Variants in RAB14 observed in about 807,000 individuals in gnomAD.
RAB14 encodes RAB14, member RAS oncogene family, also known as ras-related protein Rab-14.
Under a neutral mutation model 31.1 loss-of-function variants are expected in RAB14, and 3 were observed. That is an observed-to-expected ratio of 0.10 (90% CI 0.04 to 0.25). RAB14 has a LOEUF of 0.25. RAB14 is among the 10% of genes least tolerant of loss of function. RAB14 has a pLI of 1.00. For missense variants in RAB14, 111 were observed against 260.1 expected, an observed-to-expected ratio of 0.43 and a Z score of 3.94; for synonymous variants, 85 against 84.9, an observed-to-expected ratio of 1.00 and a Z score of 0.00.
chr9:121,199,484 C>CA (rs1458198331), intron 1 of RAB14, among the ~76,000 whole-genome samples: 11 of 152,264 alleles, frequency 7.2e-5, no homozygotes, highest in African/African-American at 2.6e-4. Flanking sequence ...CTCAATAGCC[C>CA]AAGTTTTCAC....
intron 5 of RAB14, among the ~76,000 whole-genome samples, chr9:121,185,421 G>C (rs1480051753): frequency 4.6e-5 from 7 of 152,208 alleles, no homozygotes; most frequent in Admixed American, 4.6e-4. Flanking sequence ...TCAGGCACAT[G>C]TGCGTTCGTG....
intron 1 of RAB14, among the ~76,000 whole-genome samples, chr9:121,197,533 C>T (rs972869411): frequency 6.6e-6 from 1 of 152,118 alleles, no homozygotes; most frequent in East Asian, 1.9e-4. Context: ...AAATATTAAA[C>T]ACTAATTATT....
intron 1 of RAB14, 131 bp from the exon 2 acceptor site, chr9:121,193,550 T>A (rs1039804296): frequency 1.6e-6 from 1 of 613,950 alleles, no homozygotes; most frequent in Non-Finnish European, 2.9e-6. Context: ...TAAGTCAAAA[T>A]AAAACTGCAT....
chr9:121,198,469 A>G (rs139561069), intron 1 of RAB14, among the ~76,000 whole-genome samples: 1 of 152,346 alleles, frequency 6.6e-6, no homozygotes, highest in Admixed American at 6.5e-5. Flanking sequence ...TCTACTCCTT[A>G]GAACCTATGA....
intron 4 of RAB14, among the ~76,000 whole-genome samples, chr9:121,190,117 A>C (rs1020268898): frequency 1.3e-5 from 2 of 152,148 alleles, no homozygotes; most frequent in African/African-American, 2.4e-5. Context: ...GCAAGCATAA[A>C]GTTTTTTATA....
intron 5 of RAB14, among the ~76,000 whole-genome samples, chr9:121,185,679 T>A (rs2053655043): frequency 6.6e-6 from 1 of 152,166 alleles, no homozygotes; most frequent in Non-Finnish European, 1.5e-5. Flanking sequence ...TGAGATTGGC[T>A]TTTTTACTGG....
chr9:121,182,309 G>A (rs1034084731), intron 7 of RAB14, among the ~76,000 whole-genome samples: 4 of 152,078 alleles, frequency 2.6e-5, no homozygotes, highest in East Asian at 1.9e-4. Flanking sequence ...GTTTTTAATC[G>A]GGTAATGGTG....
chr9:121,183,069 T>C, intron 6 of RAB14, 109 bp from the exon 7 acceptor site: 3 of 1,032,160 alleles, frequency 2.9e-6, no homozygotes, highest in Non-Finnish European at 2.9e-6. Flanking sequence ...ACTCCTCCCA[T>C]AGTATTTTAT....
chr9:121,180,563 T>A lies in RAB14; in HGVS notation c.*833A>T, dbSNP rs564326202. On this transcript the variant is annotated 3_prime_UTR_variant, in exon 8 of 8. Transcript: ENST00000373840. ...ACCAAGGGGTGGAGCCAGTACTACT[T>A]GTGAACTGCAGTTGTGTCTATTTCT... 1 of 152,766 alleles carries A rather than the reference T, an allele frequency of 6.5e-6. No individual in the cohort carries two copies. Among genetic ancestry groups the A allele is most frequent in the South Asian group, 2.1e-4 (1 of 4,828 alleles). The allele number at this position is 152,766 out of a possible 1,614,324, so 9.5% of individuals were successfully genotyped here.
Position 121,193,312 on chromosome 9 carries a change from G to A in RAB14, c.52+49C>T, listed in dbSNP as rs769443146. 26 of 1,240,336 alleles carry A rather than the reference G, an allele frequency of 2.1e-5. No homozygotes were observed. In the South Asian group the frequency reaches 3.1e-4, roughly 15 times the overall value. The allele number at this position is 1,240,336 out of a possible 1,614,324, so 76.8% of individuals were successfully genotyped here. ...TTAAGTATTAACATATAAATATTTT[G>A]TATGTTAACCTTCTTTTGGGAACAA... On this transcript the variant is annotated intron_variant, in intron 2 of 7. Transcript: ENST00000373840.
Position 121,181,237 on chromosome 9 carries a change from A to T in RAB14, c.*159T>A. On this transcript the variant is annotated 3_prime_UTR_variant, in exon 8 of 8. Coordinates refer to ENST00000373840, the MANE Select transcript of RAB14 (RefSeq NM_016322.4). ...ATAACCTGATTACATCTAGTTGTTT[A>T]GCAGTTTAGTATTGTGTTAAACTGT... The T allele has an allele frequency of 1.5e-6, 1 of 664,128 alleles. No homozygotes were observed. The highest frequency in any genetic ancestry group is 2.3e-6 in the Non-Finnish European group (1 of 437,762). 41.1% of individuals were successfully genotyped at this position (664,128 alleles called of 1,614,324 possible). A position where few individuals can be genotyped will look rare whatever the true frequency, so the allele number is the denominator to read the frequency against.
rs1292936719 is a variant in RAB14, at chr9:121,180,822, G to C, written c.*574C>G. 6.6e-6 allele frequency: 1 copy of C among 152,616 alleles called. No homozygotes were observed. Among genetic ancestry groups the C allele is most frequent in the Non-Finnish European group, 1.5e-5 (1 of 68,046 alleles). The allele number at this position is 152,616 out of a possible 1,614,324, so 9.5% of individuals were successfully genotyped here. A position where few individuals can be genotyped will look rare whatever the true frequency, so the allele number is the denominator to read the frequency against. On this transcript the variant is annotated 3_prime_UTR_variant, in exon 8 of 8. Transcript: ENST00000373840. Reference sequence around the variant, plus strand: ...GCTATTAATTAAGCACGAGAGAGAAGATAAATGGATATTTTCCCTGTGTGA... The same window carrying C: ...GCTATTAATTAAGCACGAGAGAGAACATAAATGGATATTTTCCCTGTGTGA...
At chr9:121,195,904 A>G (rs957525992) in intron 1 of RAB14, among the ~76,000 whole-genome samples, 1 of 152,178 alleles carries the variant, frequency 6.6e-6, no homozygotes, top group African/African-American at 2.4e-5. Context: ...ATTTCAGTCA[A>G]AAGTATTTGC....
At chr9:121,192,402 C>G in intron 2 of RAB14, among the ~76,000 whole-genome samples, 178 bp from the exon 3 acceptor site, 1 of 151,942 alleles carries the variant, frequency 6.6e-6, no homozygotes, top group East Asian at 1.9e-4. Context: ...GAATATTATT[C>G]CCAATCTTTA....
intron 1 of RAB14, among the ~76,000 whole-genome samples, chr9:121,199,293 A>T (rs1470407684): frequency 1.3e-5 from 2 of 152,230 alleles, no homozygotes; most frequent in Non-Finnish European, 2.9e-5. Context: ...TAGGTATATG[A>T]ATGCTCAGTA....
Position 121,181,413 on chromosome 9 carries a change from C to A in RAB14, c.631G>T (p.Glu211Ter). ...AGAGGTCACTAGCAGCCACAGCCTTCTCTCTGGGGTTGGGGTTCACTGGTT... is the reference window on the plus strand; with the variant it reads ...AGAGGTCACTAGCAGCCACAGCCTTATCTCTGGGGTTGGGGTTCACTGGTT... The part of the protein sequence containing the change: ...RLTSEPQPQR[E>*]GCGC Residue 211 changes from glutamate to a stop codon, truncating the protein, a stop_gained, in exon 8 of 8, where the codon GAA (glutamate) becomes TAA (stop). Transcript: ENST00000373840. LOFTEE classifies it high-confidence loss of function. 6.2e-7 allele frequency: 1 copy of A among 1,600,204 alleles called. No homozygotes were observed. Among genetic ancestry groups the A allele is most frequent in the Non-Finnish European group, 8.5e-7 (1 of 1,169,674 alleles).
Position 121,181,055 on chromosome 9 carries a change from G to A in RAB14, c.*341C>T, listed in dbSNP as rs1442990081. 2.7e-5 allele frequency: 5 copies of A among 187,590 alleles called. No individual in the cohort carries two copies. Among genetic ancestry groups the A allele is most frequent in the Non-Finnish European group, 5.5e-5 (5 of 91,408 alleles). The allele number at this position is 187,590 out of a possible 1,614,324, so 11.6% of individuals were successfully genotyped here. On this transcript the variant is annotated 3_prime_UTR_variant, in exon 8 of 8. Transcript: ENST00000373840. ...ATATCACCAAATTAAACCGTACAGTGAGACAAAGCCTTGCCAAAGGGAGGG... is the reference window on the plus strand; with the variant it reads ...ATATCACCAAATTAAACCGTACAGTAAGACAAAGCCTTGCCAAAGGGAGGG...
chr9:121,199,260 T>C (rs1279784514), intron 1 of RAB14, among the ~76,000 whole-genome samples: 1 of 152,236 alleles, frequency 6.6e-6, no homozygotes, highest in African/African-American at 2.4e-5. Context: ...GAAGCAAGAC[T>C]GATCACTGTT....
At chr9:121,184,695 A>G (rs1353760076) in intron 5 of RAB14, among the ~76,000 whole-genome samples, 1 of 152,236 alleles carries the variant, frequency 6.6e-6, no homozygotes, top group East Asian at 1.9e-4. Context: ...TCATGCAAGG[A>G]CAGTTAAGTA....
Sources: allele counts gnomAD v4.1 joint callset (sites outside exome capture counted in the v4.1 genomes callset), GRCh38; gene constraint gnomAD v4.1.1; transcripts MANE v1.5; gene names NCBI Gene and HGNC (gene_info 2026-07-23, HGNC 2026-07-21).